The following OSBPL1A variants were observed in gnomAD, a reference collection of about 807,000 sequenced individuals.
The protein encoded by OSBPL1A is oxysterol binding protein like 1A.
In OSBPL1A, 80 loss-of-function variants were observed where a neutral mutation model predicts 137.1. The ratio of observed to expected loss-of-function variants is 0.58; its 90% confidence interval spans 0.49 to 0.70. The LOEUF (loss-of-function observed/expected upper bound fraction) is 0.70, where lower values mean the gene tolerates loss of function less well. OSBPL1A is among the 30% of genes least tolerant of loss of function. The pLI, the probability that OSBPL1A is intolerant of heterozygous loss-of-function variation, is 0.00. For missense variants in OSBPL1A, 970 were observed against 1,129.4 expected, an observed-to-expected ratio of 0.86 and a Z score of 2.02; for synonymous variants, 365 against 389.7, an observed-to-expected ratio of 0.94 and a Z score of 0.75.
chr18:24,269,371 C>T (rs1000739802), intron 15 of OSBPL1A, among the ~76,000 whole-genome samples: 6 of 152,168 alleles, frequency 3.9e-5, no homozygotes, highest in Non-Finnish European at 5.9e-5. Context: ...CCGGTCTTAA[C>T]GATTTGCTAA....
At chr18:24,291,087 C>A (rs950541174) in intron 14 of OSBPL1A, among the ~76,000 whole-genome samples, 7 of 152,124 alleles carry the variant, frequency 4.6e-5, no homozygotes, top group African/African-American at 1.7e-4. Flanking sequence ...AAATAAAACA[C>A]AACAAACAAA....
At chr18:24,301,872 A>C (rs909715170) in intron 14 of OSBPL1A, among the ~76,000 whole-genome samples, 1 of 152,212 alleles carries the variant, frequency 6.6e-6, no homozygotes, top group African/African-American at 2.4e-5. Flanking sequence ...ATTTCCTCAC[A>C]TTCTCTGGAA....
At chr18:24,245,949 T>A (rs1282444148) in intron 15 of OSBPL1A, among the ~76,000 whole-genome samples, 1 of 152,026 alleles carries the variant, frequency 6.6e-6, no homozygotes, top group East Asian at 1.9e-4. Context: ...GTGGCTCACA[T>A]CTGTAATCCC....
chr18:24,237,474 T>G (rs1219145210), intron 16 of OSBPL1A, among the ~76,000 whole-genome samples: 1 of 152,088 alleles, frequency 6.6e-6, no homozygotes, highest in Non-Finnish European at 1.5e-5. Context: ...CTGGCTAATT[T>G]TTGTATTTTC....
At chr18:24,237,805 C>T (rs2088541241) in intron 16 of OSBPL1A, among the ~76,000 whole-genome samples, 1 of 152,172 alleles carries the variant, frequency 6.6e-6, no homozygotes, top group Non-Finnish European at 1.5e-5. Context: ...CATTCTCCCT[C>T]CGACCTCCCT....
At chr18:24,283,281 A>AAAAAAT (rs1246058393) in intron 14 of OSBPL1A, among the ~76,000 whole-genome samples, 1,924 of 78,006 alleles carry the variant, frequency 0.025, 70 homozygotes, top group East Asian at 0.053. Flanking sequence ...AAAAAAAAAA[A>AAAAAAT]ATATATATAT....
chr18:24,172,984 A>T (rs2086327264), intron 21 of OSBPL1A, among the ~76,000 whole-genome samples: 1 of 152,220 alleles, frequency 6.6e-6, no homozygotes, highest in African/African-American at 2.4e-5. Context: ...AACAGCAAAG[A>T]CATGGAATCA....
At chr18:24,191,491 T>C (rs1031236840) in intron 18 of OSBPL1A, among the ~76,000 whole-genome samples, 8 of 152,204 alleles carry the variant, frequency 5.3e-5, no homozygotes, top group Non-Finnish European at 8.8e-5. Context: ...GTGATATTCA[T>C]CTCAGATATC....
At chr18:24,377,370 G>A (rs925049012) in intron 2 of OSBPL1A, 43 bp downstream of exon 2, 1 of 1,578,934 alleles carries the variant, frequency 6.3e-7, no homozygotes, top group African/African-American at 1.4e-5. Context: ...TAAGAGTAGT[G>A]CAGACTCATA....
Position 24,271,756 on chromosome 18 carries a change from C to T in OSBPL1A, c.1281+9086G>A, listed in dbSNP as rs964924810. On this transcript the variant is annotated intron_variant, in intron 15 of 27. Coordinates refer to ENST00000319481, the MANE Select transcript of OSBPL1A (RefSeq NM_080597.4). The surrounding 1 kb of genome is among the most constrained non-coding windows in gnomAD (Gnocchi z 4.0). ...GGCGAGCCGATCCGGGAGGCGCGAC[C>T]CAGGGCGGCCCGCAAGGTCTCCCTA... 1.0e-6 allele frequency: 1 copy of T among 985,572 alleles called. No individual in the cohort carries two copies. Among genetic ancestry groups the T allele is most frequent in the African/African-American group, 1.7e-5 (1 of 57,374 alleles). The allele number at this position is 985,572 out of a possible 1,614,324, so 61.1% of individuals were successfully genotyped here. A position where few individuals can be genotyped will look rare whatever the true frequency, so the allele number is the denominator to read the frequency against.
At chr18:24,394,324 T>C (rs929325383) in intron 1 of OSBPL1A, among the ~76,000 whole-genome samples, 2 of 152,246 alleles carry the variant, frequency 1.3e-5, no homozygotes, top group African/African-American at 4.8e-5. Context: ...TTGGAAATTT[T>C]AATGTTTCTT....
At chr18:24,279,709 G>A (rs1227728496) in intron 15 of OSBPL1A, among the ~76,000 whole-genome samples, 1 of 152,068 alleles carries the variant, frequency 6.6e-6, no homozygotes, top group African/African-American at 2.4e-5. Context: ...ATAAAAATTA[G>A]GGGAAAAACA....
intron 17 of OSBPL1A, among the ~76,000 whole-genome samples, chr18:24,209,513 TGACCCAAA>T (rs2087471842): frequency 6.6e-6 from 1 of 152,210 alleles, no homozygotes; most frequent in African/African-American, 2.4e-5. Context: ...ATCTCCCCGA[TGACCCAAA>T]AGTTCTACTC....
At chr18:24,375,940 C>G (rs1260186208) in intron 2 of OSBPL1A, among the ~76,000 whole-genome samples, 1 of 152,194 alleles carries the variant, frequency 6.6e-6, no homozygotes, top group Non-Finnish European at 1.5e-5. Context: ...GGCGGCGCGT[C>G]TGGAGTTGTT....
chr18:24,238,016 C>T (rs1281568420), intron 16 of OSBPL1A, among the ~76,000 whole-genome samples: 1 of 152,140 alleles, frequency 6.6e-6, no homozygotes, highest in African/African-American at 2.4e-5. Context: ...TCTATCAAAC[C>T]TCTATTAATA....
intron 17 of OSBPL1A, among the ~76,000 whole-genome samples, chr18:24,215,585 C>G (rs1409406295): frequency 6.6e-6 from 1 of 152,094 alleles, no homozygotes; most frequent in African/African-American, 2.4e-5. Context: ...TCCTCCTAAG[C>G]TACCAAGCAA....
At chr18:24,368,957 C>A (rs150595811) in intron 2 of OSBPL1A, among the ~76,000 whole-genome samples, 3 of 152,260 alleles carry the variant, frequency 2.0e-5, no homozygotes, top group Admixed American at 6.5e-5. Context: ...TTGCTATTCT[C>A]GTGACAGTGA....
At chr18:24,280,817 A>T in intron 15 of OSBPL1A, 25 bp downstream of exon 15, 1 of 1,475,700 alleles carries the variant, frequency 6.8e-7, no homozygotes, top group Middle Eastern at 1.8e-4. Flanking sequence ...CAATTATTTT[A>T]CAAATTCAAT....
At chr18:24,175,102 GTGTATGTATATATATA>G (rs1175989751) in intron 21 of OSBPL1A, among the ~76,000 whole-genome samples, 5 of 83,638 alleles carry the variant, frequency 6.0e-5, no homozygotes, top group Admixed American at 4.3e-4. Context: ...TATTTGCCAT[GTGTATGTATATATATA>G]TATATATATA....
Sources: allele counts gnomAD v4.1 joint callset (sites outside exome capture counted in the v4.1 genomes callset), GRCh38; gene constraint gnomAD v4.1.1; non-coding constraint Gnocchi (gnomAD v3.1); transcripts MANE v1.5; gene names NCBI Gene and HGNC (gene_info 2026-07-23, HGNC 2026-07-21).